The following IGF1R variants were observed in gnomAD, a reference collection of about 807,000 sequenced individuals.
IGF1R encodes the protein insulin-like growth factor 1 receptor.
IGF1R carries 44 observed loss-of-function variants against 144.6 expected under a neutral mutation model. That is an observed-to-expected ratio of 0.30 (90% CI 0.24 to 0.39). The LOEUF is 0.39. Ranked by LOEUF, IGF1R falls within the 10% of genes least tolerant of loss-of-function variation. IGF1R has a pLI of 1.00. For synonymous variants in IGF1R, 795 were observed against 722.8 expected, an observed-to-expected ratio of 1.10 and a Z score of -1.60; for missense variants, 1,355 against 1,833.7, an observed-to-expected ratio of 0.74 and a Z score of 4.77.
intron 1 of IGF1R, among the ~76,000 whole-genome samples, chr15:98,702,678 C>T (rs2053765063): frequency 1.3e-5 from 2 of 152,120 alleles, no homozygotes; most frequent in Admixed American, 1.3e-4. Context: ...GGTGGTAATC[C>T]CAGCACTTCT....
chr15:98,728,247 G>T (rs1053185507), intron 2 of IGF1R, among the ~76,000 whole-genome samples: 2 of 152,128 alleles, frequency 1.3e-5, no homozygotes, highest in Non-Finnish European at 2.9e-5. Context: ...AATCACGCCT[G>T]TTGTTGCCGC....
chr15:98,860,721 T>C (rs1210893811), intron 2 of IGF1R, among the ~76,000 whole-genome samples: 1 of 152,130 alleles, frequency 6.6e-6, no homozygotes, highest in Non-Finnish European at 1.5e-5. Flanking sequence ...GGTTTGGTTT[T>C]ACCATTTTTA....
chr15:98,860,464 A>G (rs1464357187), intron 2 of IGF1R, among the ~76,000 whole-genome samples: 1 of 152,224 alleles, frequency 6.6e-6, no homozygotes, highest in African/African-American at 2.4e-5. Context: ...AATACATTAA[A>G]GCCTTAGGGA....
intron 2 of IGF1R, among the ~76,000 whole-genome samples, chr15:98,812,974 A>T (rs938619289): frequency 6.6e-6 from 1 of 152,300 alleles, no homozygotes; most frequent in East Asian, 1.9e-4. Flanking sequence ...CCAGTCTTCT[A>T]TCGAAAAACA....
At chr15:98,661,945 T>A (rs1387786553) in intron 1 of IGF1R, among the ~76,000 whole-genome samples, 1 of 148,230 alleles carries the variant, frequency 6.7e-6, no homozygotes, top group Non-Finnish European at 1.5e-5. Context: ...TGCTGCCAGT[T>A]GAATAGGGCC....
At chr15:98,889,425 C>T (rs1354181441) in intron 2 of IGF1R, among the ~76,000 whole-genome samples, 2 of 152,186 alleles carry the variant, frequency 1.3e-5, no homozygotes, top group Non-Finnish European at 2.9e-5. Flanking sequence ...AAGATGAATT[C>T]TGGAAATTGA....
intron 13 of IGF1R, among the ~76,000 whole-genome samples, chr15:98,928,225 A>T (rs898151431): frequency 6.6e-6 from 1 of 152,076 alleles, no homozygotes; most frequent in African/African-American, 2.4e-5. Flanking sequence ...TATGAGCCTC[A>T]TCCTGGGGCC....
intron 1 of IGF1R, among the ~76,000 whole-genome samples, chr15:98,688,740 C>T (rs78873268): frequency 3.2e-4 from 49 of 152,100 alleles, no homozygotes; most frequent in African/African-American, 1.1e-3. Context: ...TCAAAAGGCC[C>T]CATAGATGGG....
chr15:98,837,869 T>C (rs1159833517), intron 2 of IGF1R, among the ~76,000 whole-genome samples: 7 of 152,220 alleles, frequency 4.6e-5, no homozygotes, highest in Admixed American at 3.9e-4. Context: ...AATGGAGATA[T>C]CTTTTCAATG....
intron 2 of IGF1R, among the ~76,000 whole-genome samples, chr15:98,739,191 G>T (rs1000170485): frequency 6.6e-6 from 1 of 152,174 alleles, no homozygotes; most frequent in Non-Finnish European, 1.5e-5. Flanking sequence ...TGGGAACTAT[G>T]CAGAAACATC....
At position 98,801,992 on chromosome 15, in the gene IGF1R, C is replaced by CAATGAGG. The variant is rs1225118653; in HGVS notation, c.641-89331_641-89330insTGAGGAA. ...GGCATAGGTACCTGCCATTGTGCAC[C>CAATGAGG]AAAGTCCCTTTCCTCATGGCCCTGG... is the stretch of plus-strand genomic sequence containing the variant. On this transcript the variant is annotated intron_variant, in intron 2 of 20. Transcript: ENST00000650285. 1.2e-4 allele frequency among the ~76,000 whole-genome samples: 19 copies of CAATGAGG among 152,292 alleles called. 1 individual carries two copies. The South Asian group carries it at 3.9e-3, about 32-fold the overall frequency.
intron 1 of IGF1R, among the ~76,000 whole-genome samples, chr15:98,686,614 C>T (rs1475916341): frequency 1.3e-5 from 2 of 151,430 alleles, no homozygotes; most frequent in South Asian, 2.1e-4. Flanking sequence ...GAGGTGGTAT[C>T]TCATTATGGT....
At chr15:98,940,448 A>G (rs756317227) in intron 18 of IGF1R, among the ~76,000 whole-genome samples, 4 of 152,200 alleles carry the variant, frequency 2.6e-5, no homozygotes, top group Non-Finnish European at 5.9e-5. Flanking sequence ...TTGTTTTCCA[A>G]GCTGGAGTGC....
chr15:98,963,709 ATGAC>A lies in IGF1R; in HGVS notation c.*6271_*6274del, dbSNP rs1043382768. On this transcript the variant is annotated 3_prime_UTR_variant, in exon 21 of 21. Coordinates refer to ENST00000650285, the MANE Select transcript of IGF1R (RefSeq NM_000875.5). ...GCCATTTGCTTACATGCCTCGTATC[ATGAC>A]TGATTACTGCTTTGTTAGAACACAG... 5.6e-5 allele frequency: 13 copies of A among 233,008 alleles called. No homozygotes were observed. Among genetic ancestry groups the A allele is most frequent in the East Asian group, 1.2e-4 (2 of 16,592 alleles). The allele number at this position is 233,008 out of a possible 1,614,324, so 14.4% of individuals were successfully genotyped here. A position where few individuals can be genotyped will look rare whatever the true frequency, so the allele number is the denominator to read the frequency against.
In IGF1R at chr15:98,891,752, T is replaced by C; in HGVS notation, c.953+115T>C. The C allele has an allele frequency of 1.0e-6, 1 of 998,644 alleles. No individual in the cohort carries two copies. Among genetic ancestry groups the C allele is most frequent in the East Asian group, 2.6e-5 (1 of 38,276 alleles). The allele number at this position is 998,644 out of a possible 1,614,324, so 61.9% of individuals were successfully genotyped here. Reference sequence around the variant, plus strand: ...CGGGTGCAGCCCTCAGGAAGTTCACTGAGGTGGGTCATTTTGAGAGGGCTG... The same window carrying C: ...CGGGTGCAGCCCTCAGGAAGTTCACCGAGGTGGGTCATTTTGAGAGGGCTG... On this transcript the variant is annotated intron_variant, in intron 3 of 20. Transcript: ENST00000650285. The surrounding 1 kb of genome is among the most constrained non-coding windows in gnomAD (Gnocchi z 4.7).
chr15:98,788,729 C>G (rs1218530873), intron 2 of IGF1R, among the ~76,000 whole-genome samples: 3 of 152,216 alleles, frequency 2.0e-5, no homozygotes, highest in Non-Finnish European at 4.4e-5. Flanking sequence ...AATCCCTGTT[C>G]TGGCCGGTGA....
chr15:98,875,126 G>A (rs917277623), intron 2 of IGF1R, among the ~76,000 whole-genome samples: 7 of 151,762 alleles, frequency 4.6e-5, no homozygotes, highest in East Asian at 1.9e-4. Context: ...CCTCGGCTCC[G>A]GGACGAGGAT....
intron 2 of IGF1R, among the ~76,000 whole-genome samples, chr15:98,849,815 G>T (rs572801651): frequency 1.2e-4 from 19 of 152,282 alleles, no homozygotes; most frequent in Non-Finnish European, 1.8e-4. Context: ...AAAAAAGTTT[G>T]ATTTCACTCA....
intron 2 of IGF1R, among the ~76,000 whole-genome samples, chr15:98,846,705 A>G (rs1486254303): frequency 6.6e-6 from 1 of 152,220 alleles, no homozygotes; most frequent in African/African-American, 2.4e-5. Context: ...CGAGAGGGGC[A>G]GTGTTTCTCT....
Sources: gnomAD v4.1 joint callset for allele counts (sites outside exome capture counted in the v4.1 genomes callset) on GRCh38, gnomAD v4.1.1 for gene constraint, Gnocchi (gnomAD v3.1) non-coding constraint, MANE v1.5 for transcripts, NCBI Gene and HGNC (gene_info 2026-07-23, HGNC 2026-07-21) for gene names.